UGT2B7: variants seen among roughly 807,000 people sequenced by gnomAD.
The protein encoded by UGT2B7 is UDP-glucuronosyltransferase 2B7.
In UGT2B7, 51 loss-of-function variants were observed where a neutral mutation model predicts 51.9. The observed-to-expected ratio is 0.98, with a 90% CI of 0.78 to 1.24. The LOEUF (loss-of-function observed/expected upper bound fraction) is 1.24. Among genes scored for constraint, UGT2B7 ranks in the 50% most tolerant of loss-of-function variants. The pLI, the probability that UGT2B7 is intolerant of heterozygous loss-of-function variation, is 0.00. For synonymous variants in UGT2B7, 225 were observed against 211.6 expected, an observed-to-expected ratio of 1.06 and a Z score of -0.55; for missense variants, 727 against 628.4, an observed-to-expected ratio of 1.16 and a Z score of -1.68.
Position 69,112,942 on chromosome 4 carries a change from C to A in UGT2B7, c.*206C>A. The A allele has an allele frequency of 1.4e-6, 1 of 710,838 alleles. No homozygotes were observed. The allele number at this position is 710,838 out of a possible 1,614,324, so 44.0% of individuals were successfully genotyped here. A position where few individuals can be genotyped will look rare whatever the true frequency, so the allele number is the denominator to read the frequency against. ...GTTCATGGTTAGAAATATTTTGTGGCAATGAAGAAAACACTACGGAAAATA... is the reference window on the plus strand; with the variant it reads ...GTTCATGGTTAGAAATATTTTGTGGAAATGAAGAAAACACTACGGAAAATA... On this transcript the variant is annotated 3_prime_UTR_variant, in exon 6 of 6. Transcript: ENST00000305231.
rs1204317464 is a variant in UGT2B7, at chr4:69,052,569, CAAAAAAAAAAA to C, written c.-159+980_-159+990del. On this transcript the variant is annotated intron_variant, in intron 1 of 5. Transcript: ENST00000502942. Reference sequence around the variant, plus strand: ...TTAAAAAAAAAGAAATGGTTATCTTCAAAAAAAAAAAAAAAAAAAAAAAGAAGGGGAGGCAA... The same window carrying C: ...TTAAAAAAAAAGAAATGGTTATCTTCAAAAAAAAAAAAGAAGGGGAGGCAA... Among the ~76,000 whole-genome samples, 5 of 64,692 alleles carry C rather than the reference CAAAAAAAAAAA, an allele frequency of 7.7e-5. No homozygotes were observed. The South Asian group carries it at 2.6e-3, about 33-fold the overall frequency. 42.4% of individuals were successfully genotyped at this position (64,692 alleles called of 152,430 possible).
intron 2 of UGT2B7, among the ~76,000 whole-genome samples, chr4:69,101,428 A>G (rs1719414649): frequency 6.6e-6 from 1 of 152,114 alleles, no homozygotes; most frequent in African/African-American, 2.4e-5. Flanking sequence ...AGAAACAACC[A>G]GTCCATATCA....
intron 5 of UGT2B7, 80 bp downstream of exon 5, chr4:69,108,402 T>C (rs1719677350): frequency 2.9e-5 from 42 of 1,449,910 alleles, no homozygotes; most frequent in Non-Finnish European, 3.8e-5. Context: ...TTTCATCCTT[T>C]TTATAAGAGA....
exon 1 of UGT2B7, chr4:69,051,378 C>T (rs1397058601): frequency 6.6e-6 from 1 of 152,218 alleles, no homozygotes; most frequent in Non-Finnish European, 1.5e-5. Flanking sequence ...GACTGACAGA[C>T]AGCTGAGGCA....
intron 2 of UGT2B7, among the ~76,000 whole-genome samples, chr4:69,091,111 A>G (rs1306799202): frequency 1.3e-5 from 2 of 152,188 alleles, no homozygotes; most frequent in Admixed American, 1.3e-4. Flanking sequence ...ATCTCATATC[A>G]TGTTACCTGC....
intron 1 of UGT2B7, among the ~76,000 whole-genome samples, chr4:69,081,305 A>G (rs939052339): frequency 6.6e-6 from 1 of 152,238 alleles, no homozygotes; most frequent in Non-Finnish European, 1.5e-5. Context: ...ACTATTATCA[A>G]TGCAAGCCAC....
At chr4:69,082,247 T>C (rs1718853220) in intron 1 of UGT2B7, among the ~76,000 whole-genome samples, 1 of 151,940 alleles carries the variant, frequency 6.6e-6, no homozygotes, top group Admixed American at 6.6e-5. Context: ...GTTAATAAAC[T>C]TACGAAGGTC....
chr4:69,101,316 A>G (rs1199304914), intron 2 of UGT2B7, among the ~76,000 whole-genome samples: 1 of 152,024 alleles, frequency 6.6e-6, no homozygotes. Flanking sequence ...ATATCACAAC[A>G]TAAAAATTTT....
chr4:69,065,452 C>G (rs957168534), intron 1 of UGT2B7, among the ~76,000 whole-genome samples: 11 of 152,144 alleles, frequency 7.2e-5, no homozygotes, highest in African/African-American at 2.7e-4. Flanking sequence ...AGCATCATCA[C>G]AATTTTGGAA....
At chr4:69,105,684 C>T (rs1261574161) in intron 3 of UGT2B7, among the ~76,000 whole-genome samples, 2 of 152,104 alleles carry the variant, frequency 1.3e-5, no homozygotes, top group African/African-American at 4.8e-5. Flanking sequence ...ATTAGAAATA[C>T]TGATAATACT....
intron 1 of UGT2B7, among the ~76,000 whole-genome samples, chr4:69,055,935 A>T (rs1174628741): frequency 6.6e-6 from 1 of 152,220 alleles, no homozygotes; most frequent in Admixed American, 6.5e-5. Flanking sequence ...CACAGAAAGA[A>T]ATCCATTCAG....
At chr4:69,061,338 C>T (rs1245634859) in intron 1 of UGT2B7, among the ~76,000 whole-genome samples, 1 of 152,176 alleles carries the variant, frequency 6.6e-6, no homozygotes, top group Non-Finnish European at 1.5e-5. Flanking sequence ...TATGGGCCCC[C>T]AAACAGGTAG....
At chr4:69,081,060 A>G (rs1474009619) in intron 1 of UGT2B7, among the ~76,000 whole-genome samples, 1 of 152,192 alleles carries the variant, frequency 6.6e-6, no homozygotes, top group Non-Finnish European at 1.5e-5. Flanking sequence ...AGGAAGTTAT[A>G]ATTATTTACA....
At chr4:69,111,622 AT>A (rs1017530761) in intron 5 of UGT2B7, among the ~76,000 whole-genome samples, 10 of 152,134 alleles carry the variant, frequency 6.6e-5, no homozygotes, top group African/African-American at 2.2e-4. Context: ...TGAATATCCT[AT>A]TTTCCATGAT....
chr4:69,095,102 C>T (rs1247641466), upstream of UGT2B7, among the ~76,000 whole-genome samples: 5 of 152,024 alleles, frequency 3.3e-5, no homozygotes, highest in Non-Finnish European at 7.4e-5. Flanking sequence ...GTTATAGGAC[C>T]AACAGTTTCA....
chr4:69,053,537 G>A (rs1290168658), intron 1 of UGT2B7, among the ~76,000 whole-genome samples: 4 of 152,200 alleles, frequency 2.6e-5, no homozygotes, highest in Non-Finnish European at 5.9e-5. Flanking sequence ...TTGACCAGGC[G>A]TAGGCTGCAT....
At chr4:69,109,985 A>T (rs577376980) in intron 5 of UGT2B7, among the ~76,000 whole-genome samples, 2 of 152,226 alleles carry the variant, frequency 1.3e-5, no homozygotes, top group Non-Finnish European at 2.9e-5. Context: ...ATAGAAAAAA[A>T]ATATATAAAG....
chr4:69,087,386 T>C (rs1160147690), intron 1 of UGT2B7, among the ~76,000 whole-genome samples: 1 of 152,006 alleles, frequency 6.6e-6, no homozygotes, highest in Non-Finnish European at 1.5e-5. Flanking sequence ...TATCTTTTCA[T>C]ATTTCCATCT....
intron 2 of UGT2B7, among the ~76,000 whole-genome samples, chr4:69,100,826 C>T (rs1719393927): frequency 6.6e-6 from 1 of 152,018 alleles, no homozygotes. Context: ...ACCCAGGTTG[C>T]TTTCATTTCA....
Sources: allele counts gnomAD v4.1 joint callset (sites outside exome capture counted in the v4.1 genomes callset), GRCh38; gene constraint gnomAD v4.1.1; transcripts MANE v1.5; gene names NCBI Gene and HGNC (gene_info 2026-07-23, HGNC 2026-07-21).